BMAL2: variants seen among roughly 807,000 people sequenced by gnomAD.
BMAL2 encodes the protein basic helix-loop-helix ARNT-like protein 2.
At chr12:27,342,719 A>G in the BMAL2 span, among the ~76,000 whole-genome samples, 1 of 152,194 alleles carries the variant, frequency 6.6e-6, no homozygotes, top group Non-Finnish European at 1.5e-5. Flanking sequence ...CTGTGCTTAC[A>G]CTACCATGGA....
the BMAL2 span, among the ~76,000 whole-genome samples, chr12:27,379,645 G>T: frequency 3.3e-5 from 5 of 152,090 alleles, no homozygotes; most frequent in Non-Finnish European, 7.4e-5. Flanking sequence ...GAGGATCTTC[G>T]CTGGGACAGT....
the BMAL2 span, among the ~76,000 whole-genome samples, chr12:27,389,591 G>T: frequency 2.0e-5 from 3 of 151,994 alleles, no homozygotes; most frequent in African/African-American, 7.2e-5. Flanking sequence ...GTATCATTTG[G>T]ATAAAAAATT....
chr12:27,376,444 C>G, the BMAL2 span: 4 of 1,533,196 alleles, frequency 2.6e-6, no homozygotes, highest in Non-Finnish European at 3.6e-6. Context: ...CAAAGGCAAG[C>G]CTGTAGCCTA....
At chr12:27,363,006 T>A in the BMAL2 span, among the ~76,000 whole-genome samples, 3 of 152,192 alleles carry the variant, frequency 2.0e-5, no homozygotes, top group African/African-American at 7.2e-5. Context: ...CATCTTGCTG[T>A]GTTGCCCAGG....
At chr12:27,361,501 A>G in the BMAL2 span, among the ~76,000 whole-genome samples, 15 of 152,342 alleles carry the variant, frequency 9.8e-5, no homozygotes, top group African/African-American at 3.1e-4. Context: ...AAGTCACTCA[A>G]TTTGGCAAGG....
At chr12:27,372,608 C>T in the BMAL2 span, among the ~76,000 whole-genome samples, 1 of 152,226 alleles carries the variant, frequency 6.6e-6, no homozygotes, top group Non-Finnish European at 1.5e-5. Context: ...TATCATGTTA[C>T]ATTCCCATGA....
the BMAL2 span, among the ~76,000 whole-genome samples, chr12:27,348,815 A>C: frequency 6.6e-6 from 1 of 152,230 alleles, no homozygotes; most frequent in East Asian, 1.9e-4. Context: ...ATAAGAACAC[A>C]TGGTTCCTGC....
the BMAL2 span, among the ~76,000 whole-genome samples, chr12:27,411,653 G>T: frequency 6.6e-6 from 1 of 152,134 alleles, no homozygotes; most frequent in Non-Finnish European, 1.5e-5. Context: ...TTGGAGAAGT[G>T]TGCATTCAAG....
At chr12:27,417,850 G>A in the BMAL2 span, among the ~76,000 whole-genome samples, 2 of 151,760 alleles carry the variant, frequency 1.3e-5, no homozygotes, top group Non-Finnish European at 2.9e-5. Flanking sequence ...AAAATTAGCC[G>A]GGCGTGGTGG....
the BMAL2 span, chr12:27,416,014 T>C: frequency 8.8e-7 from 1 of 1,136,762 alleles, no homozygotes; most frequent in Non-Finnish European, 1.3e-6. Context: ...CCTTGTTGAT[T>C]ATTTCTTTTA....
the BMAL2 span, chr12:27,401,699 C>T: frequency 1.3e-6 from 2 of 1,492,120 alleles, no homozygotes; most frequent in Admixed American, 2.1e-5. Context: ...ATGTTAAGAC[C>T]TTTATATTGA....
chr12:27,404,495 A>G, the BMAL2 span, among the ~76,000 whole-genome samples: 3 of 152,190 alleles, frequency 2.0e-5, no homozygotes, highest in Non-Finnish European at 4.4e-5. Flanking sequence ...ATTAAAGGGC[A>G]TTATGATAAC....
At chr12:27,399,060 G>C in the BMAL2 span, among the ~76,000 whole-genome samples, 1 of 152,132 alleles carries the variant, frequency 6.6e-6, no homozygotes, top group Non-Finnish European at 1.5e-5. Flanking sequence ...ATAAAGACTG[G>C]GTTTGGGTTG....
At chr12:27,370,902 C>T in the BMAL2 span, among the ~76,000 whole-genome samples, 16 of 151,758 alleles carry the variant, frequency 1.1e-4, no homozygotes, top group Non-Finnish European at 1.9e-4. Flanking sequence ...CCGCACCCGG[C>T]TGGAGAGCTG....
chr12:27,337,272 C>T, the BMAL2 span, among the ~76,000 whole-genome samples: 1 of 152,172 alleles, frequency 6.6e-6, no homozygotes, highest in Non-Finnish European at 1.5e-5. Context: ...TGTGATAAAA[C>T]AATAACTTCC....
At chr12:27,337,414 C>A in the BMAL2 span, among the ~76,000 whole-genome samples, 1 of 146,330 alleles carries the variant, frequency 6.8e-6, no homozygotes, top group Admixed American at 7.0e-5. Context: ...GACCAAAGTG[C>A]CTCCACCTTT....
chr12:27,401,283 C>G, the BMAL2 span: 1 of 1,614,082 alleles, frequency 6.2e-7, no homozygotes, highest in Non-Finnish European at 8.5e-7. Context: ...GGATATCTGC[C>G]TCAGGAACTT....
chr12:27,345,129 C>T, the BMAL2 span, among the ~76,000 whole-genome samples: 2 of 152,188 alleles, frequency 1.3e-5, no homozygotes, highest in African/African-American at 2.4e-5. Context: ...CCACTACTCT[C>T]CAGCTTTGAA....
the BMAL2 span, among the ~76,000 whole-genome samples, chr12:27,373,229 A>G: frequency 6.6e-6 from 1 of 152,192 alleles, no homozygotes; most frequent in Non-Finnish European, 1.5e-5. Flanking sequence ...AGATAGGATC[A>G]ATAGGACTTC....
Sources: gnomAD v4.1 joint callset for allele counts (sites outside exome capture counted in the v4.1 genomes callset) on GRCh38, gnomAD v4.1.1 for gene constraint, MANE v1.5 for transcripts, NCBI Gene and HGNC (gene_info 2026-07-23, HGNC 2026-07-21) for gene names.